Variants in NBPF14 observed in about 807,000 individuals in gnomAD.
NBPF14 encodes NBPF family member NBPF14.
A neutral mutation model predicts 91.2 loss-of-function variants in NBPF14; 104 were observed. The observed-to-expected ratio is 1.14, with a 90% CI of 0.97 to 1.34. NBPF14 has a LOEUF of 1.34. NBPF14 is among the 40% of genes most tolerant of loss of function. The pLI, the probability that NBPF14 is intolerant of heterozygous loss-of-function variation, is 0.00. For missense variants in NBPF14, 908 were observed against 783.0 expected (o/e 1.16, Z -1.91); for synonymous variants, 294 against 303.8 (o/e 0.97, Z 0.34).
intron 36 of NBPF14, among the ~76,000 whole-genome samples, 162 bp from the exon 37 acceptor site, chr1:148,560,127 C>T (rs1412603557): frequency 4.3e-4 from 65 of 150,484 alleles, no homozygotes; most frequent in South Asian, 1.1e-3. Flanking sequence ...TAGAACAGGG[C>T]CAGGTAGAAA....
chr1:148,557,051 G>C (rs1256892370), intron 40 of NBPF14, among the ~76,000 whole-genome samples, 189 bp from the exon 41 acceptor site: 3 of 120,884 alleles, frequency 2.5e-5, no homozygotes, highest in South Asian at 2.9e-4. Context: ...GAAAGAGAAA[G>C]ACAGATAGAC....
At chr1:148,535,462 G>A in exon 68 of NBPF14, 2 of 479,938 alleles carry the variant, frequency 4.2e-6, no homozygotes, top group Middle Eastern at 5.4e-4. Context: ...CCTGGGGCAT[G>A]ATGGGTCTTG....
intron 14 of NBPF14, among the ~76,000 whole-genome samples, chr1:148,577,571 C>T (rs1333317606): frequency 3.3e-5 from 5 of 150,850 alleles, no homozygotes; most frequent in African/African-American, 1.2e-4. Context: ...CACACACACA[C>T]ACACACTCAC....
At chr1:148,534,754 T>A in exon 69 of NBPF14, 5 of 817,748 alleles carry the variant, frequency 6.1e-6, no homozygotes, top group East Asian at 2.4e-5. Context: ...AGGGCTGGCC[T>A]AAGTCAGGCA....
chr1:148,594,700 TTTTG>T (rs1243098934), intron 2 of NBPF14, among the ~76,000 whole-genome samples: 887 of 71,060 alleles, frequency 0.012, 44 homozygotes, highest in East Asian at 0.071. Flanking sequence ...TTATTTATCG[TTTTG>T]TTTGTTTGTT....
chr1:148,585,401 C>A (rs1375075426), intron 9 of NBPF14, among the ~76,000 whole-genome samples, 188 bp from the exon 10 acceptor site: 1 of 151,902 alleles, frequency 6.6e-6, no homozygotes, highest in Non-Finnish European at 1.5e-5. Flanking sequence ...CATTTCTGAT[C>A]TGGAGGGCCA....
At chr1:148,587,143 T>G (rs1661674554) in intron 8 of NBPF14, among the ~76,000 whole-genome samples, 158 bp downstream of exon 8, 1 of 148,698 alleles carries the variant, frequency 6.7e-6, no homozygotes, top group African/African-American at 2.4e-5. Context: ...ATTTTTACTA[T>G]CCTTCTTCTC....
intron 13 of NBPF14, among the ~76,000 whole-genome samples, chr1:148,578,563 GC>G (rs1366228318): frequency 2.2e-5 from 2 of 91,120 alleles, no homozygotes; most frequent in Non-Finnish European, 4.5e-5. Flanking sequence ...GGACAGATGA[GC>G]TAAAACAAGC....
At chr1:148,535,149 G>A (rs1240807617) in intron 68 of NBPF14, among the ~76,000 whole-genome samples, 1 of 148,714 alleles carries the variant, frequency 6.7e-6, no homozygotes, top group Non-Finnish European at 1.5e-5. Flanking sequence ...GTGCCCTCGG[G>A]ACACACAGCG....
chr1:148,538,016 GA>G lies in NBPF14; in HGVS notation c.7935-11del. On this transcript the variant is annotated splice_polypyrimidine_tract_variant and intron_variant, in intron 64 of 70. Coordinates refer to ENST00000619423, the Ensembl canonical transcript of NBPF14. The stretch of plus-strand genomic sequence containing the variant: ...GAGCTCCCTGCTGAGCCTGGAAAAG[GA>G]GGAAAAAGTAAAGAATAAGCCAGGG... The G allele has an allele frequency of 3.3e-6, 1 of 298,714 alleles. No homozygotes were observed. Among genetic ancestry groups the G allele is most frequent in the Non-Finnish European group, 5.7e-6 (1 of 176,960 alleles). The allele number at this position is 298,714 out of a possible 1,614,324, so 18.5% of individuals were successfully genotyped here. A position where few individuals can be genotyped will look rare whatever the true frequency, so the allele number is the denominator to read the frequency against.
At chr1:148,566,473 C>A (rs1443807300) in intron 28 of NBPF14, among the ~76,000 whole-genome samples, 158 bp from the exon 29 acceptor site, 36 of 141,116 alleles carry the variant, frequency 2.6e-4, no homozygotes, top group Non-Finnish European at 4.4e-4. Context: ...TGGGACAGAA[C>A]AGGGCCAAAT....
intron 5 of NBPF14, 45 bp downstream of exon 5, chr1:148,591,387 T>G: frequency 6.5e-7 from 1 of 1,539,802 alleles, no homozygotes. Context: ...CTAGACATTT[T>G]CATACGTTAC....
chr1:148,586,589 C>A, intron 8 of NBPF14, 120 bp from the exon 9 acceptor site: 1 of 871,356 alleles, frequency 1.1e-6, no homozygotes, highest in South Asian at 1.4e-5. Flanking sequence ...AAGGTCAGCA[C>A]ATGTGGAAAG....
chr1:148,591,530 A>C, intron 4 of NBPF14, 26 bp from the exon 5 acceptor site: 3 of 1,607,572 alleles, frequency 1.9e-6, no homozygotes, highest in Non-Finnish European at 2.5e-6. Flanking sequence ...GTTCGTTCAG[A>C]TATTTCCCAC....
intron 69 of NBPF14, among the ~76,000 whole-genome samples, chr1:148,534,294 T>C (rs1169688705): frequency 6.6e-6 from 1 of 151,756 alleles, no homozygotes; most frequent in African/African-American, 2.4e-5. Flanking sequence ...AAAACTGCAA[T>C]ATTTAGCCCT....
chr1:148,560,089 G>T, intron 36 of NBPF14, 124 bp from the exon 37 acceptor site: 1 of 672,948 alleles, frequency 1.5e-6, no homozygotes, highest in South Asian at 1.7e-5. Context: ...CATTAATGAG[G>T]TAACAAATTA....
At chr1:148,566,916 C>A in intron 28 of NBPF14, 36 bp downstream of exon 28, 1 of 267,882 alleles carries the variant, frequency 3.7e-6, no homozygotes, top group South Asian at 2.4e-5. Context: ...CTCCAGATGT[C>A]AACACAGAAG....
In NBPF14 at chr1:148,576,077, T is replaced by C. The variant is rs1490712924; in HGVS notation, c.2079-266A>G. Among the ~76,000 whole-genome samples the C allele has an allele frequency of 8.6e-3, 1,198 of 139,502 alleles. 8 individuals carry two copies. Among genetic ancestry groups the C allele is most frequent in the Non-Finnish European group, 0.012 (796 of 63,932 alleles). The allele number at this position is 139,502 out of a possible 152,430, so 91.5% of individuals were successfully genotyped here. A position where few individuals can be genotyped will look rare whatever the true frequency, so the allele number is the denominator to read the frequency against. ...CCGGGTGACACACTGATGAAGGGGT[T>C]AAAGGACACTCTGAGTTAGTGCCCT... On this transcript the variant is annotated intron_variant, in intron 16 of 70. Transcript: ENST00000619423.
chr1:148,591,242 G>A (rs1409935039), intron 5 of NBPF14, among the ~76,000 whole-genome samples, 190 bp downstream of exon 5: 3 of 148,646 alleles, frequency 2.0e-5, no homozygotes, highest in Non-Finnish European at 4.5e-5. Context: ...GTATGGTACA[G>A]ACATGACACT....
Sources: gnomAD v4.1 joint callset for allele counts (sites outside exome capture counted in the v4.1 genomes callset) on GRCh38, gnomAD v4.1.1 for gene constraint, MANE v1.5 for transcripts, NCBI Gene and HGNC (gene_info 2026-07-23, HGNC 2026-07-21) for gene names.